NECAB2: variants seen among roughly 807,000 people sequenced by gnomAD.
NECAB2 encodes N-terminal EF-hand calcium binding protein 2, also known as N-terminal EF-hand calcium-binding protein 2.
In NECAB2, 68 loss-of-function variants were observed where a neutral mutation model predicts 51.9. The observed-to-expected ratio is 1.31, with a 90% CI of 1.08 to 1.60. NECAB2 has a LOEUF of 1.60. Ranked by LOEUF, NECAB2 falls within the 40% of genes most tolerant of loss-of-function variation. The pLI is 0.00. For missense variants in NECAB2, 854 were observed against 490.3 expected (o/e 1.74, Z -7.00); for synonymous variants, 329 against 203.5 (o/e 1.62, Z -5.25).
At chr16:83,976,513 A>G (rs1359042399) in intron 2 of NECAB2, among the ~76,000 whole-genome samples, 1 of 152,160 alleles carries the variant, frequency 6.6e-6, no homozygotes, top group Non-Finnish European at 1.5e-5. Flanking sequence ...CTCGGAAGGC[A>G]TCCTCTGTCA....
At chr16:83,990,171 C>T (rs939856850) in intron 5 of NECAB2, among the ~76,000 whole-genome samples, 3 of 152,208 alleles carry the variant, frequency 2.0e-5, no homozygotes, top group Non-Finnish European at 4.4e-5. Context: ...AGGCCCTGTG[C>T]AGAGCATTGT....
At chr16:83,976,135 G>A (rs537407476) in intron 2 of NECAB2, among the ~76,000 whole-genome samples, 1 of 152,284 alleles carries the variant, frequency 6.6e-6, no homozygotes, top group Non-Finnish European at 1.5e-5. Context: ...AGGGAGGCTG[G>A]GATTGGGGCT....
chr16:83,965,266 C>A (rs954801041), upstream of NECAB2: 10 of 1,608,906 alleles, frequency 6.2e-6, no homozygotes, highest in Middle Eastern at 6.6e-4. Flanking sequence ...GGAACCAGGC[C>A]CAGCAGCCCT....
intron 8 of NECAB2, among the ~76,000 whole-genome samples, chr16:83,996,672 C>A (rs2084704067): frequency 6.6e-6 from 1 of 152,098 alleles, no homozygotes; most frequent in African/African-American, 2.4e-5. Context: ...GGGTTCTCTG[C>A]CGTGACATAG....
At chr16:83,994,155 C>T (rs1305283502) in intron 6 of NECAB2, 147 bp from the exon 7 acceptor site, 2 of 725,120 alleles carry the variant, frequency 2.8e-6, no homozygotes, top group East Asian at 2.7e-5. Context: ...CTCATTTCCT[C>T]CTCTGTCAAA....
chr16:83,978,374 G>T (rs925332), intron 2 of NECAB2, 70 bp from the exon 3 acceptor site: 3 of 1,253,876 alleles, frequency 2.4e-6, no homozygotes, highest in African/African-American at 3.0e-5. Flanking sequence ...TTTGGGGGCC[G>T]TGCATGCACT....
intron 2 of NECAB2, among the ~76,000 whole-genome samples, chr16:83,974,502 G>A (rs377314349): frequency 1.4e-4 from 21 of 152,180 alleles, no homozygotes; most frequent in African/African-American, 4.8e-4. Context: ...AGGGAATTCG[G>A]TCTGGGGGAG....
chr16:83,966,206 C>G, upstream of NECAB2: 13 of 581,654 alleles, frequency 2.2e-5, no homozygotes, highest in Non-Finnish European at 3.9e-5. Flanking sequence ...GGCCGCAGGC[C>G]AGGGTTGGCC....
In NECAB2 at chr16:84,000,926, T is replaced by C. The variant is rs1385178912; in HGVS notation, c.1040+125T>C. ...GTCCAGTCAGCAGATTCCCGAGGCATCTACCCGCTGGCATGCTTGCGTCAG... is the reference window on the plus strand; with the variant it reads ...GTCCAGTCAGCAGATTCCCGAGGCACCTACCCGCTGGCATGCTTGCGTCAG... On this transcript the variant is annotated intron_variant, in intron 11 of 12. Transcript: ENST00000305202. 3.3e-6 allele frequency: 3 copies of C among 914,822 alleles called. No homozygotes were observed. In the East Asian group the frequency reaches 7.5e-5, roughly 23 times the overall value. The allele number at this position is 914,822 out of a possible 1,614,324, so 56.7% of individuals were successfully genotyped here.
At chr16:83,970,830 C>A (rs990177293) in intron 1 of NECAB2, among the ~76,000 whole-genome samples, 1 of 152,164 alleles carries the variant, frequency 6.6e-6, no homozygotes, top group East Asian at 1.9e-4. Flanking sequence ...CCGTGGCTCA[C>A]GCCTGTAATC....
chr16:83,983,076 C>T (rs1340962788), intron 5 of NECAB2, among the ~76,000 whole-genome samples: 1 of 151,998 alleles, frequency 6.6e-6, no homozygotes, highest in East Asian at 1.9e-4. Context: ...ACCATGTTGG[C>T]CAGGCTGGTC....
intron 5 of NECAB2, among the ~76,000 whole-genome samples, chr16:83,989,402 C>G (rs1361345870): frequency 6.6e-6 from 1 of 152,230 alleles, no homozygotes; most frequent in Non-Finnish European, 1.5e-5. Flanking sequence ...CTCTGTTTCT[C>G]AGTCTGTCTG....
chr16:83,989,236 C>T (rs1222321898), intron 5 of NECAB2, among the ~76,000 whole-genome samples: 1 of 152,124 alleles, frequency 6.6e-6, no homozygotes, highest in African/African-American at 2.4e-5. Context: ...TATTCAGCTG[C>T]GGGAACCTGC....
intron 5 of NECAB2, among the ~76,000 whole-genome samples, chr16:83,986,120 G>C (rs369285470): frequency 6.6e-6 from 1 of 152,118 alleles, no homozygotes; most frequent in Non-Finnish European, 1.5e-5. Flanking sequence ...GGGTTAAAGC[G>C]ATTCTTCCAC....
chr16:83,972,006 G>C, intron 1 of NECAB2, 145 bp from the exon 2 acceptor site: 3 of 1,068,772 alleles, frequency 2.8e-6, no homozygotes, highest in African/African-American at 1.6e-5. Flanking sequence ...CCAGCCCGGG[G>C]AGGGGGAGAG....
At chr16:83,965,241 G>C, upstream of NECAB2, 2 of 1,612,326 alleles carry the variant, frequency 1.2e-6, no homozygotes, top group Non-Finnish European at 1.7e-6. Context: ...TTCCAGGTGA[G>C]CGGCTTCCTG....
chr16:84,000,320 A>C (rs1373264937), intron 10 of NECAB2, among the ~76,000 whole-genome samples: 4 of 150,280 alleles, frequency 2.7e-5, no homozygotes, highest in African/African-American at 5.0e-5. Context: ...GCCTGAGCCC[A>C]GGAGTTAAAG....
intron 6 of NECAB2, among the ~76,000 whole-genome samples, chr16:83,991,476 C>G (rs956191698): frequency 1.3e-5 from 2 of 150,626 alleles, no homozygotes; most frequent in African/African-American, 2.4e-5. Context: ...AAGCGATTCT[C>G]CTGCCTCAGC....
At chr16:83,984,294 G>A (rs1417131200) in intron 5 of NECAB2, among the ~76,000 whole-genome samples, 9 of 151,492 alleles carry the variant, frequency 5.9e-5, no homozygotes, top group East Asian at 1.9e-4. Context: ...CGCGCCCGGC[G>A]GAATATTTTT....
Sources: gnomAD v4.1 joint callset for allele counts (sites outside exome capture counted in the v4.1 genomes callset) on GRCh38, gnomAD v4.1.1 for gene constraint, MANE v1.5 for transcripts, NCBI Gene and HGNC (gene_info 2026-07-23, HGNC 2026-07-21) for gene names.